Variants in LGR6 observed in about 807,000 individuals in gnomAD.
LGR6 encodes the protein leucine rich repeat containing G protein-coupled receptor 6.
LGR6 carries 45 observed loss-of-function variants against 69.4 expected under a neutral mutation model. The ratio of observed to expected loss-of-function variants is 0.65; its 90% CI spans 0.51 to 0.83. The LOEUF is 0.83. LGR6 is among the 40% of genes least tolerant of loss of function. The probability of loss-of-function intolerance (pLI) is 0.00; values close to 1 mark genes in which losing one functional copy is unlikely to be tolerated. For synonymous variants in LGR6, 538 were observed against 555.0 expected, an observed-to-expected ratio of 0.97 and a Z score of 0.43; for missense variants, 1,108 against 1,246.7, an observed-to-expected ratio of 0.89 and a Z score of 1.68.
Position 202,318,067 on chromosome 1 carries a change from T to C in LGR6, c.1764T>C (p.Ala588=). The change falls in exon 18 of 18, where the codon GCT becomes GCC. Residue 588 remains alanine, a synonymous_variant. Transcript: ENST00000367278. ...CNGLVLLTVF[A]GGPVPLPPVK... ...GACTGGTGCTGCTGACCGTGTTCGC[T>C]GGCGGGCCTGTCCCCCTGCCCCCGG... is the stretch of plus-strand genomic sequence containing the variant. 6.2e-7 allele frequency: 1 copy of C among 1,614,214 alleles called. No homozygotes were observed.
Position 202,288,375 on chromosome 1 carries a change from C to T in LGR6, c.716+7523C>T, listed in dbSNP as rs79923848. On this transcript the variant is annotated intron_variant, in intron 6 of 17. Coordinates refer to ENST00000367278, the MANE Select transcript of LGR6 (RefSeq NM_001017403.2). ...ACTCACTTAATTGCCTGCCCCTTAC[C>T]GCTCCATGAGTTTTGTTCACTTTTG... 6.8e-3 allele frequency among the ~76,000 whole-genome samples: 1,040 copies of T among 152,306 alleles called. 10 individuals are homozygous for T. The highest frequency in any genetic ancestry group is 8.8e-3 in the Non-Finnish European group (600 of 68,022).
Position 202,309,272 on chromosome 1 carries a change from A to G in LGR6, c.1406+96A>G, listed in dbSNP as rs78412919. Reference sequence around the variant, plus strand: ...GATGGCCCCACCCTGAGAAGAGCCTAGAGGCTTAGGGTTTGACCAAGATTT... The same window carrying G: ...GATGGCCCCACCCTGAGAAGAGCCTGGAGGCTTAGGGTTTGACCAAGATTT... On this transcript the variant is annotated intron_variant, in intron 15 of 17. Coordinates refer to ENST00000367278, the MANE Select transcript of LGR6 (RefSeq NM_001017403.2). 8.5e-4 allele frequency: 1,255 copies of G among 1,476,536 alleles called. 10 individuals are homozygous for G. In the African/African-American group the frequency reaches 0.013, roughly 15 times the overall value. 91.5% of individuals were successfully genotyped at this position (1,476,536 alleles called of 1,614,324 possible). A position where few individuals can be genotyped will look rare whatever the true frequency, so the allele number is the denominator to read the frequency against.
At chr1:202,256,938 C>CAAA (rs2148084718) in intron 4 of LGR6, among the ~76,000 whole-genome samples, 1 of 152,194 alleles carries the variant, frequency 6.6e-6, no homozygotes, top group South Asian at 2.1e-4. Flanking sequence ...CGTTGTGGTT[C>CAAA]TGATTTGCAT....
chr1:202,199,231 A>G (rs1206190785), intron 1 of LGR6, among the ~76,000 whole-genome samples: 5 of 152,106 alleles, frequency 3.3e-5, no homozygotes, highest in South Asian at 2.1e-4. Context: ...GGGAGGACCC[A>G]GGCAGCACCC....
intron 6 of LGR6, among the ~76,000 whole-genome samples, chr1:202,281,562 G>T (rs879359130): frequency 1.3e-5 from 2 of 152,154 alleles, no homozygotes; most frequent in Non-Finnish European, 2.9e-5. Flanking sequence ...GGCTCTCCAA[G>T]TGTGGCCGTT....
chr1:202,316,574 T>C (rs1654160138), intron 17 of LGR6, among the ~76,000 whole-genome samples: 2 of 152,208 alleles, frequency 1.3e-5, no homozygotes, highest in African/African-American at 4.8e-5. Context: ...AATCTTAATT[T>C]AGCTTGAAAA....
intron 1 of LGR6, among the ~76,000 whole-genome samples, chr1:202,209,576 AG>A (rs933514680): frequency 2.6e-5 from 4 of 152,386 alleles, no homozygotes; most frequent in Admixed American, 2.6e-4. Flanking sequence ...ACCAGGCCAC[AG>A]TGGCATATTT....
intron 1 of LGR6, among the ~76,000 whole-genome samples, chr1:202,198,683 T>G (rs61623404): frequency 1.4e-5 from 2 of 147,728 alleles, no homozygotes; most frequent in African/African-American, 5.3e-5. Flanking sequence ...TTTTTTTTTT[T>G]TTTTTTTTTT....
chr1:202,199,152 T>C lies in LGR6; in HGVS notation c.212+4951T>C, dbSNP rs1165428705. 2.6e-5 allele frequency among the ~76,000 whole-genome samples: 4 copies of C among 151,860 alleles called. No individual in the cohort carries two copies. In the East Asian group the frequency reaches 7.8e-4, roughly 29 times the overall value. ...TCCACTTTGAATCTCCTGCTCCTGG[T>C]GTGGGACAGAGAAAGCTCCCCGGGA... On this transcript the variant is annotated intron_variant, in intron 1 of 17. Transcript: ENST00000367278.
chr1:202,221,211 T>A (rs1328322300), intron 1 of LGR6, among the ~76,000 whole-genome samples: 2 of 152,070 alleles, frequency 1.3e-5, no homozygotes, highest in East Asian at 3.9e-4. Context: ...CCCAATCCCC[T>A]CGGGCCCTGG....
intron 1 of LGR6, chr1:202,194,598 T>G (rs1468484077): frequency 1.9e-6 from 1 of 535,206 alleles, no homozygotes; most frequent in African/African-American, 2.0e-5. Flanking sequence ...GAACTGGAGG[T>G]GGAGGTGAGG....
intron 1 of LGR6, among the ~76,000 whole-genome samples, chr1:202,215,935 A>T (rs1659753885): frequency 6.6e-6 from 1 of 152,190 alleles, no homozygotes; most frequent in South Asian, 2.1e-4. Context: ...GGCCAAAGGG[A>T]TTAGTCTGAG....
At chr1:202,214,279 A>T in intron 1 of LGR6, 2 of 1,502,952 alleles carry the variant, frequency 1.3e-6, no homozygotes, top group Non-Finnish European at 1.8e-6. Flanking sequence ...AAAGTTCCAC[A>T]GGTCCTCCGC....
Position 202,281,387 on chromosome 1 carries a change from G to T in LGR6, c.716+535G>T, listed in dbSNP as rs185381446. ...GAGCACTCTAGCCTTACTATAAGAAGCACCCAAGCTGTTGACTCTCAAAAA... is the reference window on the plus strand; with the variant it reads ...GAGCACTCTAGCCTTACTATAAGAATCACCCAAGCTGTTGACTCTCAAAAA... On this transcript the variant is annotated intron_variant, in intron 6 of 17. Coordinates refer to ENST00000367278, the MANE Select transcript of LGR6 (RefSeq NM_001017403.2). 4.7e-3 allele frequency among the ~76,000 whole-genome samples: 722 copies of T among 152,178 alleles called. 6 individuals carry two copies. The highest frequency in any genetic ancestry group is 0.016 in the African/African-American group (657 of 41,512).
chr1:202,314,626 G>A (rs1176272134), intron 16 of LGR6, among the ~76,000 whole-genome samples, 176 bp from the exon 17 acceptor site: 1 of 152,234 alleles, frequency 6.6e-6, no homozygotes, highest in Non-Finnish European at 1.5e-5. Flanking sequence ...GTGGATAATA[G>A]GAAGCTGACC....
rs1189816389 is a variant in LGR6, at chr1:202,193,958, C to A, written c.-32C>A. On this transcript the variant is annotated 5_prime_UTR_variant, in exon 1 of 18. Transcript: ENST00000367278. ...CATCGCGCCGTGCGTCCGCGCCCGG[C>A]CGCCAGGTGCCCCAGTAGCCCGACC... 1 of 1,284,722 alleles carries A rather than the reference C, an allele frequency of 7.8e-7. No individual in the cohort carries two copies. The highest frequency in any genetic ancestry group is 9.9e-7 in the Non-Finnish European group (1 of 1,012,000). The allele number at this position is 1,284,722 out of a possible 1,614,324, so 79.6% of individuals were successfully genotyped here.
chr1:202,266,321 G>A (rs114166303), intron 4 of LGR6, among the ~76,000 whole-genome samples: 79 of 152,162 alleles, frequency 5.2e-4, no homozygotes, highest in African/African-American at 1.7e-3. Context: ...ATAGGCTCTC[G>A]GACGGACAGA....
chr1:202,275,910 T>G (rs569438006), intron 4 of LGR6, among the ~76,000 whole-genome samples: 46 of 152,262 alleles, frequency 3.0e-4, no homozygotes, highest in Admixed American at 1.8e-3. Flanking sequence ...ATACTGGCTA[T>G]CCACAAACAG....
At chr1:202,294,998 A>G (rs1667045179) in intron 6 of LGR6, among the ~76,000 whole-genome samples, 1 of 152,206 alleles carries the variant, frequency 6.6e-6, no homozygotes, top group African/African-American at 2.4e-5. Flanking sequence ...AAGCCAGATC[A>G]ATGCAATACT....
Sources: gnomAD v4.1 joint callset for allele counts (sites outside exome capture counted in the v4.1 genomes callset) on GRCh38, gnomAD v4.1.1 for gene constraint, MANE v1.5 for transcripts, NCBI Gene and HGNC (gene_info 2026-07-23, HGNC 2026-07-21) for gene names.